Variants in OTOF observed in about 807,000 individuals in gnomAD.
OTOF encodes fer-1-like family member 2.
In OTOF, 218 loss-of-function variants were observed where a neutral mutation model predicts 236.8. That is an observed-to-expected ratio of 0.92 (90% CI 0.82 to 1.03). The LOEUF is 1.03. OTOF is among the 50% of genes least tolerant of loss of function. The pLI is 0.00. For synonymous variants in OTOF, 1,041 were observed against 1,072.5 expected (o/e 0.97, Z 0.57); for missense variants, 2,590 against 2,694.4 (o/e 0.96, Z 0.86).
intron 5 of OTOF, chr2:26,510,568 A>G: frequency 2.3e-6 from 1 of 428,572 alleles, no homozygotes. Flanking sequence ...GGCCTCCATG[A>G]CCCGTGCCAG....
chr2:26,538,273 CCAA>C (rs929775233), intron 1 of OTOF, among the ~76,000 whole-genome samples: 4 of 152,212 alleles, frequency 2.6e-5, no homozygotes, highest in South Asian at 2.1e-4. Flanking sequence ...AACCAGGCCC[CCAA>C]CAACAAGTCA....
intron 18 of OTOF, among the ~76,000 whole-genome samples, chr2:26,478,488 G>A (rs1417800004): frequency 6.6e-6 from 1 of 152,120 alleles, no homozygotes; most frequent in Non-Finnish European, 1.5e-5. Context: ...AGGGAAGGGC[G>A]GGATTATCTG....
chr2:26,489,890 T>C, intron 9 of OTOF, 150 bp from the exon 10 acceptor site: 1 of 710,472 alleles, frequency 1.4e-6, no homozygotes, highest in Admixed American at 2.0e-5. Flanking sequence ...AGGCAACTCA[T>C]CTGATCCTGA....
intron 46 of OTOF, 30 bp downstream of exon 46, chr2:26,459,978 G>T (rs1470482676): frequency 1.3e-6 from 2 of 1,550,224 alleles, no homozygotes; most frequent in South Asian, 2.4e-5. Context: ...CTAGCCCTTG[G>T]TCCAGAGGAA....
At chr2:26,528,483 G>A (rs887395849) in intron 2 of OTOF, among the ~76,000 whole-genome samples, 1 of 152,242 alleles carries the variant, frequency 6.6e-6, no homozygotes, top group Admixed American at 6.5e-5. Flanking sequence ...GGTTTGAGCT[G>A]ATTAGTGTTA....
intron 2 of OTOF, among the ~76,000 whole-genome samples, chr2:26,536,345 G>A (rs1000184612): frequency 2.6e-5 from 4 of 152,194 alleles, no homozygotes; most frequent in African/African-American, 9.6e-5. Flanking sequence ...GGGGGAGAAG[G>A]TAAGGACAGA....
rs1292778377 is a variant in OTOF, at chr2:26,479,257, C to T, written c.2214+7G>A. ...CCACCCCTGCTGGCCCCTGGCCTGG[C>T]CCTGACCAGCTTGTCGGCAATGTGG... On this transcript the variant is annotated splice_region_variant and intron_variant, in intron 18 of 46. Transcript: ENST00000272371. 1.9e-6 allele frequency: 3 copies of T among 1,612,374 alleles called. No individual in the cohort carries two copies. The highest frequency in any genetic ancestry group is 2.2e-5 in the East Asian group (1 of 44,868).
intron 8 of OTOF, among the ~76,000 whole-genome samples, chr2:26,498,189 A>C (rs921598286): frequency 1.3e-5 from 2 of 152,072 alleles, no homozygotes; most frequent in African/African-American, 4.8e-5. Context: ...CCCTTCCTCC[A>C]TGTAGCAGAG....
chr2:26,497,195 C>T (rs777061325), intron 8 of OTOF, among the ~76,000 whole-genome samples: 10 of 146,800 alleles, frequency 6.8e-5, no homozygotes, highest in Non-Finnish European at 9.0e-5. Context: ...CTCCACCTCC[C>T]GGGTTCAAGC....
Position 26,532,092 on chromosome 2 carries a change from CAAAAAAAA to C in OTOF, c.139-4180_139-4173del, listed in dbSNP as rs150580671. ...TGGGTGACAGAGTAAGACTCCACCT[CAAAAAAAA>C]AAAAAAAAAAAAAAAGACTGAAGGA... On this transcript the variant is annotated intron_variant, in intron 2 of 46. Transcript: ENST00000272371. Among the ~76,000 whole-genome samples, 123 of 80,196 alleles carry C rather than the reference CAAAAAAAA, an allele frequency of 1.5e-3. 1 individual carries two copies. The highest frequency in any genetic ancestry group is 5.4e-3 in the African/African-American group (85 of 15,824). 52.6% of individuals were successfully genotyped at this position (80,196 alleles called of 152,430 possible). A position where few individuals can be genotyped will look rare whatever the true frequency, so the allele number is the denominator to read the frequency against.
intron 8 of OTOF, among the ~76,000 whole-genome samples, chr2:26,498,871 G>T (rs1483612558): frequency 6.6e-6 from 1 of 152,154 alleles, no homozygotes; most frequent in Admixed American, 6.5e-5. Context: ...TTTCCAGGTG[G>T]CAGAGATGTG....
chr2:26,503,415 C>G (rs1029903302), intron 6 of OTOF, among the ~76,000 whole-genome samples: 1 of 152,260 alleles, frequency 6.6e-6, no homozygotes, highest in Admixed American at 6.5e-5. Context: ...CCGCCGACCC[C>G]GTACTAGTGG....
Position 26,463,954 on chromosome 2 carries a change from C to G in OTOF, c.5103+10G>C. The G allele has an allele frequency of 6.2e-7, 1 of 1,613,838 alleles. No homozygotes were observed. Among genetic ancestry groups the G allele is most frequent in the Non-Finnish European group, 8.5e-7 (1 of 1,180,024 alleles). On this transcript the variant is annotated intron_variant, in intron 40 of 46. Transcript: ENST00000272371. ...CCCAAGAACCCCAGTCTTGGCCATG[C>G]AAGTGTCACCTGCTCGATGCCCGGC...
At chr2:26,548,247 G>C (rs919169915) in intron 1 of OTOF, among the ~76,000 whole-genome samples, 1 of 151,898 alleles carries the variant, frequency 6.6e-6, no homozygotes. Context: ...AAATTTCTCT[G>C]TTGTCTATTT....
chr2:26,503,157 G>A (rs370707284), intron 6 of OTOF, among the ~76,000 whole-genome samples: 2 of 151,874 alleles, frequency 1.3e-5, no homozygotes, highest in African/African-American at 4.9e-5. Context: ...CCCCGATGGT[G>A]GGCCCGTGAT....
intron 2 of OTOF, 99 bp from the exon 3 acceptor site, chr2:26,528,019 G>A: frequency 2.3e-6 from 2 of 856,588 alleles, no homozygotes; most frequent in South Asian, 2.8e-5. Flanking sequence ...AACAGTCAGA[G>A]TGGCCCCTCA....
At chr2:26,489,791 C>G (rs778837966) in intron 9 of OTOF, 51 bp from the exon 10 acceptor site, 3 of 1,437,346 alleles carry the variant, frequency 2.1e-6, no homozygotes, top group Non-Finnish European at 2.9e-6. Flanking sequence ...GCAGCAACAG[C>G]CCAGGCAGTG....
intron 18 of OTOF, chr2:26,478,118 G>C: frequency 2.6e-6 from 3 of 1,164,986 alleles, no homozygotes; most frequent in Non-Finnish European, 3.4e-6. Flanking sequence ...CGTCACTCCA[G>C]AATGCTGGAG....
chr2:26,546,514 G>A (rs1572496860), intron 1 of OTOF, among the ~76,000 whole-genome samples: 2 of 151,866 alleles, frequency 1.3e-5, no homozygotes, highest in Middle Eastern at 6.8e-3. Context: ...TTGTTCAGGG[G>A]TCAGCTGTGG....
Sources: allele counts gnomAD v4.1 joint callset (sites outside exome capture counted in the v4.1 genomes callset), GRCh38; gene constraint gnomAD v4.1.1; transcripts MANE v1.5; gene names NCBI Gene and HGNC (gene_info 2026-07-23, HGNC 2026-07-21).